Variants in SV2B observed in about 807,000 individuals in gnomAD.
The protein encoded by SV2B is synaptic vesicle glycoprotein 2B.
SV2B carries 41 observed loss-of-function variants against 73.9 expected under a neutral mutation model. The ratio of observed to expected loss-of-function variants is 0.56; its 90% CI spans 0.43 to 0.72. The LOEUF is 0.72. Among genes scored for constraint, SV2B ranks in the 30% least tolerant of loss-of-function variants. SV2B has a pLI of 0.00. For missense variants in SV2B, 764 were observed against 857.8 expected (o/e 0.89, Z 1.37); for synonymous variants, 314 against 314.2 (o/e 1.00, Z 0.01).
rs145388899 is a variant in SV2B at position 91,134,903 on chromosome 15, T to C, written c.-392+34540T>C. On this transcript the variant is annotated intron_variant, in intron 1 of 12. Coordinates refer to ENST00000394232, the MANE Select transcript of SV2B (RefSeq NM_001323032.3). Reference sequence around the variant, plus strand: ...GCCTACCTCTTTACCCAACCATTCGTTCTAATGCAGAGGTGGAATATTGCT... The same window carrying C: ...GCCTACCTCTTTACCCAACCATTCGCTCTAATGCAGAGGTGGAATATTGCT... Among the ~76,000 whole-genome samples, 182 of 152,326 alleles carry C rather than the reference T, an allele frequency of 1.2e-3. 3 individuals carry two copies. The highest frequency in any genetic ancestry group is 1.6e-3 in the Non-Finnish European group (109 of 68,026).
chr15:91,208,035 G>T (rs1244973647), intron 1 of SV2B, among the ~76,000 whole-genome samples: 1 of 152,192 alleles, frequency 6.6e-6, no homozygotes, highest in East Asian at 1.9e-4. Context: ...GGGGGTCAGA[G>T]AAGGCAGAGA....
intron 2 of SV2B, among the ~76,000 whole-genome samples, chr15:91,248,846 T>C (rs113659588): frequency 0.011 from 1,663 of 152,268 alleles, 31 homozygotes; most frequent in African/African-American, 0.038. Flanking sequence ...ACAGCTTTAT[T>C]GAAGTAAAAG....
chr15:91,262,111 C>G (rs1350845161), intron 6 of SV2B, among the ~76,000 whole-genome samples: 1 of 152,180 alleles, frequency 6.6e-6, no homozygotes, highest in Non-Finnish European at 1.5e-5. Context: ...CACCTGCATC[C>G]AAAGTATCAA....
intron 1 of SV2B, among the ~76,000 whole-genome samples, chr15:91,218,582 T>C (rs751842810): frequency 3.3e-5 from 5 of 152,220 alleles, no homozygotes; most frequent in Non-Finnish European, 7.3e-5. Flanking sequence ...TTTCTTTATA[T>C]AAAATAGAAT....
In SV2B at chr15:91,214,798, A is replaced by G. The variant is rs993452785; in HGVS notation, c.-391-11075A>G. Among the ~76,000 whole-genome samples the G allele has an allele frequency of 2.0e-5, 3 of 151,332 alleles. No individual in the cohort carries two copies. Among genetic ancestry groups the G allele is most frequent in the African/African-American group, 4.9e-5 (2 of 41,112 alleles). On this transcript the variant is annotated intron_variant, in intron 1 of 12. Coordinates refer to ENST00000394232, the MANE Select transcript of SV2B (RefSeq NM_001323032.3). This position sits in a 1 kb window ranked among gnomAD's most constrained non-coding sequence, Gnocchi z 4.7. ...CAAACAGTTGTGGGGGGTGTGCTTGACTCCTTAGTCCATGGCTATAGCCAC... is the reference window on the plus strand; with the variant it reads ...CAAACAGTTGTGGGGGGTGTGCTTGGCTCCTTAGTCCATGGCTATAGCCAC...
At chr15:91,221,693 G>GCACGCGCGCACA (rs1555486429) in intron 1 of SV2B, among the ~76,000 whole-genome samples, 2 of 140,068 alleles carry the variant, frequency 1.4e-5, no homozygotes, top group African/African-American at 5.6e-5. Context: ...AAGCATGTGC[G>GCACGCGCGCACA]CACACACACA....
At chr15:91,195,311 C>G (rs966780301) in intron 1 of SV2B, among the ~76,000 whole-genome samples, 59 of 152,218 alleles carry the variant, frequency 3.9e-4, no homozygotes, top group Admixed American at 2.6e-3. Context: ...GCACACACCA[C>G]CATGCCCAGC....
rs558310180 is a variant in SV2B, at chr15:91,288,859, G to A, written c.1709-662G>A. ...GGTCTGGCTACTTTTTGTCTTTTTC[G>A]TAGAGACAGTGTTTTATCATGTTGG... On this transcript the variant is annotated intron_variant, in intron 11 of 12. Transcript: ENST00000394232. This position sits in a 1 kb window ranked among gnomAD's most constrained non-coding sequence, Gnocchi z 5.8. 4.5e-4 allele frequency among the ~76,000 whole-genome samples: 68 copies of A among 152,082 alleles called. No homozygotes were observed. Among genetic ancestry groups the A allele is most frequent in the African/African-American group, 1.4e-3 (59 of 41,474 alleles).
chr15:91,181,951 A>T (rs1027108926), intron 1 of SV2B, among the ~76,000 whole-genome samples: 1 of 152,144 alleles, frequency 6.6e-6, no homozygotes, highest in Non-Finnish European at 1.5e-5. Context: ...ACATATATGT[A>T]TATATGTATT....
chr15:91,158,485 G>C (rs1326007533), intron 1 of SV2B, among the ~76,000 whole-genome samples: 4 of 151,800 alleles, frequency 2.6e-5, no homozygotes, highest in Admixed American at 2.0e-4. Context: ...CCAGGAAGCG[G>C]AGTGACCAGT....
At chr15:91,212,643 G>A (rs1488660232) in intron 1 of SV2B, among the ~76,000 whole-genome samples, 1 of 152,024 alleles carries the variant, frequency 6.6e-6, no homozygotes, top group Non-Finnish European at 1.5e-5. Flanking sequence ...AATTGTAGAG[G>A]GATGTTCTGG....
intron 1 of SV2B, among the ~76,000 whole-genome samples, chr15:91,153,795 A>G (rs1227677446): frequency 2.7e-5 from 4 of 146,758 alleles, no homozygotes; most frequent in Admixed American, 2.7e-4. Flanking sequence ...AGGGTCAAAG[A>G]ATTATGTGAG....
intron 1 of SV2B, among the ~76,000 whole-genome samples, chr15:91,196,671 CA>C (rs1366270562): frequency 1.3e-5 from 2 of 152,160 alleles, no homozygotes; most frequent in African/African-American, 2.4e-5. Flanking sequence ...GATAAACACC[CA>C]AAGACAGAAA....
chr15:91,111,732 A>G (rs535789975), intron 1 of SV2B, among the ~76,000 whole-genome samples: 1 of 152,156 alleles, frequency 6.6e-6, no homozygotes. Context: ...ATAAGAAAAG[A>G]GTTTTAATTG....
rs758466645 is a variant in SV2B, at chr15:91,268,703, C to T, written c.1373+98C>T. 1.0e-5 allele frequency: 15 copies of T among 1,453,918 alleles called. No individual in the cohort carries two copies. The highest frequency in any genetic ancestry group is 9.3e-5 in the East Asian group (4 of 43,190). 90.1% of individuals were successfully genotyped at this position (1,453,918 alleles called of 1,614,324 possible). On this transcript the variant is annotated intron_variant, in intron 9 of 12. Transcript: ENST00000394232. The surrounding 1 kb of genome is among the most constrained non-coding windows in gnomAD (Gnocchi z 4.4). ...AGGGAAGATAAGAATCAAATATGGC[C>T]GGGAATGAGCGCCAAGGCTGGTGTC...
intron 1 of SV2B, among the ~76,000 whole-genome samples, chr15:91,180,956 G>A (rs569890998): frequency 6.6e-6 from 1 of 152,226 alleles, no homozygotes; most frequent in Non-Finnish European, 1.5e-5. Context: ...TCCTTTGGAG[G>A]AGGAGAGGCG....
rs967844931 is a variant in SV2B at position 91,253,504 on chromosome 15, T to A, written c.784+984T>A. Among the ~76,000 whole-genome samples the A allele has an allele frequency of 2.0e-5, 3 of 152,266 alleles. No homozygotes were observed. The highest frequency in any genetic ancestry group is 7.2e-5 in the African/African-American group (3 of 41,470). The stretch of plus-strand genomic sequence containing the variant: ...ATTAGTTAAGGTGTTGGACACTGGG[T>A]ACATTACCTTGACAAGCTGATAAAC... On this transcript the variant is annotated intron_variant, in intron 4 of 12. Transcript: ENST00000394232. The surrounding 1 kb of genome is among the most constrained non-coding windows in gnomAD (Gnocchi z 5.0).
chr15:91,292,533 G>T lies in SV2B; in HGVS notation c.2033G>T (p.Arg678Leu), dbSNP rs771711415. The change falls in exon 13 of 13, where the codon CGA becomes CTA. Residue 678 changes from arginine to leucine, a missense_variant. Coordinates refer to ENST00000394232, the MANE Select transcript of SV2B (RefSeq NM_001323032.3). Reference protein sequence around the residue: ...GLIALRLPETREQVLM With the variant: ...GLIALRLPETLEQVLM ...ATTGCCCTTCGACTGCCAGAGACTC[G>T]AGAACAGGTCCTGATGTGAACAACC... 1 of 1,613,870 alleles carries T rather than the reference G, an allele frequency of 6.2e-7. No individual in the cohort carries two copies. Among genetic ancestry groups the T allele is most frequent in the African/African-American group, 1.3e-5 (1 of 75,012 alleles).
chr15:91,238,174 G>C (rs1349966130), intron 2 of SV2B, among the ~76,000 whole-genome samples: 2 of 152,148 alleles, frequency 1.3e-5, no homozygotes, highest in East Asian at 1.9e-4. Context: ...TATATAACCT[G>C]TTCCTTTTTT....
Sources: allele counts gnomAD v4.1 joint callset (sites outside exome capture counted in the v4.1 genomes callset), GRCh38; gene constraint gnomAD v4.1.1; non-coding constraint Gnocchi (gnomAD v3.1); transcripts MANE v1.5; gene names NCBI Gene and HGNC (gene_info 2026-07-23, HGNC 2026-07-21).